NELFCD: variants seen among roughly 807,000 people sequenced by gnomAD.
The protein encoded by NELFCD is negative elongation factor C/D.
In NELFCD, 48 loss-of-function variants were observed where a neutral mutation model predicts 72.9. The ratio of observed to expected loss-of-function variants is 0.66; its 90% CI spans 0.52 to 0.84. The LOEUF is 0.84. NELFCD is among the 40% of genes least tolerant of loss of function. The pLI is 0.00. For missense variants in NELFCD, 538 were observed against 723.8 expected, an observed-to-expected ratio of 0.74 and a Z score of 2.94; for synonymous variants, 297 against 280.6, an observed-to-expected ratio of 1.06 and a Z score of -0.59.
At chr20:58,992,117 T>C in intron 10 of NELFCD, 97 bp downstream of exon 10, 3 of 1,256,326 alleles carry the variant, frequency 2.4e-6, no homozygotes, top group Non-Finnish European at 3.3e-6. Context: ...GCTTCAGCGA[T>C]ACTTGTTCAT....
intron 10 of NELFCD, among the ~76,000 whole-genome samples, 187 bp from the exon 11 acceptor site, chr20:58,992,811 T>G (rs2091826859): frequency 6.7e-6 from 1 of 148,420 alleles, no homozygotes. Context: ...ATTGTGTCAT[T>G]GTACTCCAGC....
At chr20:58,992,378 G>A (rs927534651) in intron 10 of NELFCD, among the ~76,000 whole-genome samples, 1 of 152,188 alleles carries the variant, frequency 6.6e-6, no homozygotes, top group African/African-American at 2.4e-5. Flanking sequence ...CCTAGAAATA[G>A]TGTGTCCTCT....
chr20:58,993,193 C>T lies in NELFCD; in HGVS notation c.1344+81C>T. On this transcript the variant is annotated intron_variant, in intron 11 of 14. Transcript: ENST00000652272. The surrounding 1 kb of genome is among the most constrained non-coding windows in gnomAD (Gnocchi z 5.0). ...CGTTGGCATTAACATTGCATCTATT[C>T]AGTGAGTTTAGAGGATACTCTTCTC... The T allele has an allele frequency of 9.2e-7, 1 of 1,091,062 alleles. No homozygotes were observed. Among genetic ancestry groups the T allele is most frequent in the Non-Finnish European group, 1.4e-6 (1 of 708,104 alleles). The allele number at this position is 1,091,062 out of a possible 1,614,324, so 67.6% of individuals were successfully genotyped here. A position where few individuals can be genotyped will look rare whatever the true frequency, so the allele number is the denominator to read the frequency against.
In NELFCD at chr20:58,989,561, C is replaced by T. The variant is rs772126437; in HGVS notation, c.578C>T (p.Ser193Leu). Reference protein sequence around the residue: ...STACQQLEVFSRVLRTSLATI... With the variant: ...STACQQLEVFLRVLRTSLATI... ...GCATGCCAGCAGCTAGAAGTGTTCT[C>T]GAGAGTGCTCCGGACCTCTCTAGCT... is the stretch of plus-strand genomic sequence containing the variant. The change falls in exon 6 of 15, where the codon TCG becomes TTG. Residue 193 changes from serine to leucine, a missense_variant. Ser to Leu is a moderately radical substitution (Grantham distance 145). Coordinates refer to ENST00000652272, the MANE Select transcript of NELFCD (RefSeq NM_198976.4). The T allele has an allele frequency of 8.1e-6, 13 of 1,614,052 alleles. No individual in the cohort carries two copies. The highest frequency in any genetic ancestry group is 9.3e-6 in the Non-Finnish European group (11 of 1,179,984).
chr20:58,988,956 C>T lies in NELFCD; in HGVS notation c.439C>T (p.Arg147Trp), dbSNP rs760586283. ...ACAGATGATTGCACATACCACGTGG[C>T]GGGACCTTTTTTATAAACTGGCTGA... is the stretch of plus-strand genomic sequence containing the variant. The part of the protein sequence containing the change: ...LEQMIAHTTW[R>W]DLFYKLAEAH... Residue 147 changes from arginine to tryptophan, a missense_variant, in exon 5 of 15, where the codon CGG (arginine) becomes TGG (tryptophan). Physicochemically the swap from Arg to Trp is moderately radical, Grantham distance 101. Transcript: ENST00000652272. 5 of 1,614,096 alleles carry T rather than the reference C, an allele frequency of 3.1e-6. No homozygotes were observed. Among genetic ancestry groups the T allele is most frequent in the East Asian group, 2.2e-5 (1 of 44,854 alleles).
Position 58,986,619 on chromosome 20 carries a change from A to G in NELFCD, c.177-135A>G. On this transcript the variant is annotated intron_variant, in intron 2 of 14. Transcript: ENST00000652272. The surrounding 1 kb of genome is among the most constrained non-coding windows in gnomAD (Gnocchi z 4.4). ...CTGCCTCCCAAAGTGCTGGGATTAC[A>G]GGTGTGCACCACTGCACCCAGCCCC... 2 of 741,826 alleles carry G rather than the reference A, an allele frequency of 2.7e-6. No individual in the cohort carries two copies. The highest frequency in any genetic ancestry group is 5.0e-5 in the East Asian group (2 of 39,992). The allele number at this position is 741,826 out of a possible 1,614,324, so 46.0% of individuals were successfully genotyped here. A position where few individuals can be genotyped will look rare whatever the true frequency, so the allele number is the denominator to read the frequency against.
In NELFCD at chr20:58,989,911, C is replaced by T. The variant is rs778671462; in HGVS notation, c.711C>T (p.Ser237=). The T allele has an allele frequency of 3.8e-5, 61 of 1,614,094 alleles. No individual in the cohort carries two copies. In the Middle Eastern group the frequency reaches 2.6e-3, roughly 70 times the overall value. Residue 237 remains serine, a synonymous_variant, in exon 7 of 15, where the codon TCC becomes TCT. Transcript: ENST00000652272. Reference sequence around the variant, plus strand: ...ACCTGTTTGCCCAGGCCATGATGTCCGTGCTGGCCCAGGAGGAGCAGGGGG... The same window carrying T: ...ACCTGTTTGCCCAGGCCATGATGTCTGTGCTGGCCCAGGAGGAGCAGGGGG... ...HTYLFAQAMM[S]VLAQEEQGGS... is the part of the protein sequence containing the mutation.
chr20:58,990,041 C>T, intron 7 of NELFCD, 53 bp downstream of exon 7: 3 of 1,592,700 alleles, frequency 1.9e-6, no homozygotes, highest in Non-Finnish European at 2.6e-6. Context: ...CCCCACAAAA[C>T]CCTTCCCATG....
chr20:58,991,594 A>G lies in NELFCD; in HGVS notation c.1089+148A>G, dbSNP rs73297215. 5,695 of 908,654 alleles carry G rather than the reference A, an allele frequency of 6.3e-3. 189 individuals carry two copies. The African/African-American group carries it at 0.077, about 12-fold the overall frequency. The allele number at this position is 908,654 out of a possible 1,614,324, so 56.3% of individuals were successfully genotyped here. On this transcript the variant is annotated intron_variant, in intron 9 of 14. Coordinates refer to ENST00000652272, the MANE Select transcript of NELFCD (RefSeq NM_198976.4). ...TCTTGTGTTTCTGCGTAGAGAAAGC[A>G]CTAAACGTCTCCAGAAAATGTGCGT... is the stretch of plus-strand genomic sequence containing the variant.
intron 1 of NELFCD, among the ~76,000 whole-genome samples, chr20:58,982,732 A>T (rs1000192574): frequency 3.9e-5 from 6 of 152,108 alleles, no homozygotes; most frequent in Non-Finnish European, 8.8e-5. Context: ...GCTGAATGGT[A>T]TGGCTTGTTC....
At chr20:58,994,562 CAAAAA>C (rs374709307) in intron 14 of NELFCD, 75 bp from the exon 15 acceptor site, 850 of 832,426 alleles carry the variant, frequency 1.0e-3, no homozygotes, top group Middle Eastern at 1.3e-3. Flanking sequence ...AACTGCATCT[CAAAAA>C]AAAAAAAAAA....
intron 1 of NELFCD, among the ~76,000 whole-genome samples, chr20:58,981,728 G>A (rs1240312847): frequency 6.6e-6 from 1 of 152,002 alleles, no homozygotes; most frequent in Non-Finnish European, 1.5e-5. Flanking sequence ...CAACGCTAAG[G>A]TGGAGGGTTG....
intron 4 of NELFCD, 61 bp from the exon 5 acceptor site, chr20:58,988,853 A>G: frequency 8.4e-7 from 1 of 1,191,676 alleles, no homozygotes; most frequent in South Asian, 1.2e-5. Context: ...ATACAACAGA[A>G]TCTCCACTCA....
In NELFCD at chr20:58,991,900, A is replaced by T; in HGVS notation, c.1109A>T (p.Asn370Ile). The change falls in exon 10 of 15, where the codon AAT (asparagine) becomes ATT (isoleucine). Residue 370 changes from asparagine to isoleucine, a missense_variant. Asn to Ile is a moderately radical substitution (Grantham distance 149). Transcript: ENST00000652272. ...TWKKNKRVSI[N>I]KDELKSTSKA... is the part of the protein sequence containing the mutation. ...TTTCAGAACAAGCGAGTGAGCATCAATAAAGATGAGCTGAAGTCAACGTCA... is the reference window on the plus strand; with the variant it reads ...TTTCAGAACAAGCGAGTGAGCATCATTAAAGATGAGCTGAAGTCAACGTCA... 6.2e-7 allele frequency: 1 copy of T among 1,614,248 alleles called. No individual in the cohort carries two copies. Among genetic ancestry groups the T allele is most frequent in the South Asian group, 1.1e-5 (1 of 91,086 alleles).
chr20:58,990,360 A>AT (rs1221538555), intron 7 of NELFCD: 1 of 189,938 alleles, frequency 5.3e-6, no homozygotes, highest in Non-Finnish European at 1.1e-5. Flanking sequence ...AGATTGCACC[A>AT]TTGCACTCCA....
chr20:58,989,851 C>G lies in NELFCD; in HGVS notation c.658-7C>G. On this transcript the variant is annotated splice_polypyrimidine_tract_variant and splice_region_variant and intron_variant, in intron 6 of 14. Transcript: ENST00000652272. ...ACCCTGCCCCCTCTCTCCCTGCAATCTTGCAGAAGATGGTGTGCCACGGGG... is the reference window on the plus strand; with the variant it reads ...ACCCTGCCCCCTCTCTCCCTGCAATGTTGCAGAAGATGGTGTGCCACGGGG... 6.2e-7 allele frequency: 1 copy of G among 1,614,194 alleles called. No individual in the cohort carries two copies. Among genetic ancestry groups the G allele is most frequent in the Non-Finnish European group, 8.5e-7 (1 of 1,180,036 alleles).
intron 10 of NELFCD, 73 bp from the exon 11 acceptor site, chr20:58,992,925 T>C (rs2091828396): frequency 8.9e-7 from 1 of 1,119,388 alleles, no homozygotes; most frequent in Non-Finnish European, 1.4e-6. Context: ...TTTTTAACTT[T>C]CCTTTAATGC....
In NELFCD at chr20:58,993,349, C is replaced by A; in HGVS notation, c.1345-100C>A. 8.4e-7 allele frequency: 1 copy of A among 1,190,354 alleles called. No individual in the cohort carries two copies. Among genetic ancestry groups the A allele is most frequent in the Admixed American group, 2.1e-5 (1 of 46,788 alleles). 73.7% of individuals were successfully genotyped at this position (1,190,354 alleles called of 1,614,324 possible). A position where few individuals can be genotyped will look rare whatever the true frequency, so the allele number is the denominator to read the frequency against. On this transcript the variant is annotated intron_variant, in intron 11 of 14. Coordinates refer to ENST00000652272, the MANE Select transcript of NELFCD (RefSeq NM_198976.4). The surrounding 1 kb of genome is among the most constrained non-coding windows in gnomAD (Gnocchi z 5.0). ...TGGCTTAGGTGTCAGGACCTTCTTC[C>A]ACAGTGATAAGCTCTTTGGTGGCTG...
chr20:58,987,951 T>G lies in NELFCD; in HGVS notation c.396+134T>G. On this transcript the variant is annotated intron_variant, in intron 4 of 14. Coordinates refer to ENST00000652272, the MANE Select transcript of NELFCD (RefSeq NM_198976.4). ...TAAAATCAGAGTGTGAGACAGAAGT[T>G]GCATCTAGTCAGAATTGCCCTTTAA... 5.8e-6 allele frequency: 4 copies of G among 683,912 alleles called. No homozygotes were observed. The South Asian group carries it at 7.2e-5, about 12-fold the overall frequency. 42.4% of individuals were successfully genotyped at this position (683,912 alleles called of 1,614,324 possible). A position where few individuals can be genotyped will look rare whatever the true frequency, so the allele number is the denominator to read the frequency against.
Sources: allele counts gnomAD v4.1 joint callset (sites outside exome capture counted in the v4.1 genomes callset), GRCh38; gene constraint gnomAD v4.1.1; non-coding constraint Gnocchi (gnomAD v3.1); transcripts MANE v1.5; gene names NCBI Gene and HGNC (gene_info 2026-07-23, HGNC 2026-07-21).